MYLK4: variants seen among roughly 807,000 people sequenced by gnomAD.
MYLK4 encodes myosin light chain kinase family member 4.
In MYLK4, 46 loss-of-function variants were observed where a neutral mutation model predicts 48.1. That is an observed-to-expected ratio of 0.96 (90% CI 0.75 to 1.22). The LOEUF is 1.22. Ranked by LOEUF, MYLK4 falls within the 50% of genes most tolerant of loss-of-function variation. The pLI is 0.00. For synonymous variants in MYLK4, 170 were observed against 180.8 expected (o/e 0.94, Z 0.48); for missense variants, 451 against 486.1 (o/e 0.93, Z 0.68).
chr6:2,704,403 A>G (rs1353668287), intron 2 of MYLK4, among the ~76,000 whole-genome samples: 1 of 152,216 alleles, frequency 6.6e-6, no homozygotes, highest in African/African-American at 2.4e-5. Context: ...CTTTGTAGAA[A>G]TTCAAATGTT....
chr6:2,726,838 C>G (rs1253432405), intron 2 of MYLK4, among the ~76,000 whole-genome samples: 1 of 152,122 alleles, frequency 6.6e-6, no homozygotes, highest in Non-Finnish European at 1.5e-5. Context: ...GTCTTGAACT[C>G]CTGACCTCAG....
chr6:2,678,098 T>A (rs1761147226), intron 10 of MYLK4, 122 bp downstream of exon 10: 6 of 1,262,008 alleles, frequency 4.8e-6, no homozygotes, highest in Non-Finnish European at 5.6e-6. Flanking sequence ...CCTCATTCTA[T>A]CCATGACTTT....
At chr6:2,749,065 C>T (rs188324815) in intron 2 of MYLK4, 71 bp downstream of exon 2, 532 of 1,405,998 alleles carry the variant, frequency 3.8e-4, no homozygotes, top group Admixed American at 5.1e-4. Flanking sequence ...TACTCACAAG[C>T]GGCTCCATGA....
intron 2 of MYLK4, among the ~76,000 whole-genome samples, chr6:2,733,935 C>T (rs1043298222): frequency 2.0e-5 from 3 of 152,010 alleles, no homozygotes; most frequent in East Asian, 1.9e-4. Context: ...TTCTCATCCC[C>T]GATACATAAA....
chr6:2,725,429 T>G lies in MYLK4; in HGVS notation c.159+23707A>C, dbSNP rs555398754. 2.0e-5 allele frequency among the ~76,000 whole-genome samples: 3 copies of G among 149,846 alleles called. No homozygotes were observed. The East Asian group carries it at 6.0e-4, about 30-fold the overall frequency. On this transcript the variant is annotated intron_variant, in intron 2 of 12. Coordinates refer to ENST00000274643, the MANE Select transcript of MYLK4 (RefSeq NM_001012418.5). ...TGCAATGAGCTATGATTGCAATGAT[T>G]GCACTACTGCACTCCAGCCTGGGTG... is the stretch of plus-strand genomic sequence containing the variant.
the MYLK4 span, chr6:2,765,646 C>A: frequency 1.3e-6 from 2 of 1,543,776 alleles, no homozygotes; most frequent in Admixed American, 1.8e-5. Flanking sequence ...GGCCGGAAGA[C>A]GACCCCTTCC....
the MYLK4 span, among the ~76,000 whole-genome samples, chr6:2,764,388 C>A: frequency 1.3e-5 from 2 of 152,134 alleles, no homozygotes; most frequent in Non-Finnish European, 2.9e-5. Context: ...TGCACTCCAG[C>A]CTGGGCGACA....
Position 2,685,747 on chromosome 6 carries a change from T to C in MYLK4, c.342-171A>G, listed in dbSNP as rs1761515179. Among the ~76,000 whole-genome samples the C allele has an allele frequency of 6.6e-6, 1 of 152,030 alleles. No homozygotes were observed. The highest frequency in any genetic ancestry group is 2.1e-4 in the South Asian group (1 of 4,810). ...TGTCAACATGTGGTGTGTGGATCAC[T>C]TGCATCAGAATCACCTGGGAGCTGT... is the stretch of plus-strand genomic sequence containing the variant. On this transcript the variant is annotated intron_variant, in intron 4 of 12. Coordinates refer to ENST00000274643, the MANE Select transcript of MYLK4 (RefSeq NM_001012418.5). This position sits in a 1 kb window ranked among gnomAD's most constrained non-coding sequence, Gnocchi z 4.5.
intron 2 of MYLK4, among the ~76,000 whole-genome samples, chr6:2,735,873 T>A (rs1221233792): frequency 6.6e-6 from 1 of 152,194 alleles, no homozygotes; most frequent in Non-Finnish European, 1.5e-5. Context: ...TTGGATCATG[T>A]CTCTAACAGA....
At position 2,685,054 on chromosome 6, in the gene MYLK4, C is replaced by T. The variant is rs1582041003; in HGVS notation, c.545+242G>A. Among the ~76,000 whole-genome samples the T allele has an allele frequency of 6.6e-6, 1 of 152,166 alleles. No homozygotes were observed. Among genetic ancestry groups the T allele is most frequent in the Non-Finnish European group, 1.5e-5 (1 of 68,038 alleles). On this transcript the variant is annotated intron_variant, in intron 6 of 12. Transcript: ENST00000274643. This position sits in a 1 kb window ranked among gnomAD's most constrained non-coding sequence, Gnocchi z 4.5. ...TTTAAGCTTGATTTTTGACAAACAGCGTAGATACAAAGCTAGATCTACTTG... is the reference window on the plus strand; with the variant it reads ...TTTAAGCTTGATTTTTGACAAACAGTGTAGATACAAAGCTAGATCTACTTG...
rs776106866 is a variant in MYLK4, at chr6:2,692,776, G to T, written c.235+8C>A. The T allele has an allele frequency of 3.7e-6, 6 of 1,612,830 alleles. 1 individual carries two copies. Among genetic ancestry groups the T allele is most frequent in the South Asian group, 2.2e-5 (2 of 90,790 alleles). ...ATCCATAACTATCTACTTTTCTAAA[G>T]ATGTTACCTGCGAGGGCTGATGTCC... is the stretch of plus-strand genomic sequence containing the variant. On this transcript the variant is annotated splice_region_variant and intron_variant, in intron 3 of 12. Transcript: ENST00000274643.
intron 6 of MYLK4, among the ~76,000 whole-genome samples, chr6:2,683,801 T>C (rs1078702): frequency 0.65 from 98,611 of 151,774 alleles, 32,236 homozygotes; most frequent in Non-Finnish European, 0.68. Context: ...AGAAAGAGGA[T>C]CCTAAGAACT....
At position 2,679,372 on chromosome 6, in the gene MYLK4, T is replaced by A. The variant is rs1761209421; in HGVS notation, c.795A>T (p.Gly265=). 2 of 1,614,134 alleles carry A rather than the reference T, an allele frequency of 1.2e-6. No homozygotes were observed. Among genetic ancestry groups the A allele is most frequent in the Non-Finnish European group, 1.7e-6 (2 of 1,180,014 alleles). Residue 265 remains glycine, a synonymous_variant, in exon 9 of 13, where the codon GGA becomes GGT. Coordinates refer to ENST00000274643, the MANE Select transcript of MYLK4 (RefSeq NM_001012418.5). The part of the protein sequence containing the change: ...KPREKLKVNF[G]TPEFLAPEVV... ...CTTCAGGGGCGAGAAATTCTGGGGTTCCAAAGTTCACCTTCAGCTTCTCTC... is the reference window on the plus strand; with the variant it reads ...CTTCAGGGGCGAGAAATTCTGGGGTACCAAAGTTCACCTTCAGCTTCTCTC...
rs1228767320 is a variant in MYLK4, at chr6:2,671,318, C to T, written c.1150G>A (p.Asp384Asn). The T allele has an allele frequency of 3.7e-6, 6 of 1,614,082 alleles. No individual in the cohort carries two copies. Among genetic ancestry groups the T allele is most frequent in the Admixed American group, 1.7e-5 (1 of 60,016 alleles). ...KKKNRGSDAQ[D>N]FVTK ...CCTGTAGACTATTTGGTCACAAAGT[C>T]CTGGGCATCAGAGCCACGATTCTTC... is the stretch of plus-strand genomic sequence containing the variant. The change falls in exon 12 of 13, where the codon GAC becomes AAC. Residue 384 changes from aspartate to asparagine, a missense_variant. Transcript: ENST00000274643.
intron 6 of MYLK4, among the ~76,000 whole-genome samples, chr6:2,683,705 C>T (rs184794814): frequency 2.6e-5 from 4 of 152,306 alleles, no homozygotes; most frequent in Admixed American, 2.6e-4. Flanking sequence ...AGGTGGGAGC[C>T]ACCACACCGG....
At chr6:2,706,798 A>G (rs17278283) in intron 2 of MYLK4, among the ~76,000 whole-genome samples, 14,860 of 152,206 alleles carry the variant, frequency 0.098, 784 homozygotes, top group Non-Finnish European at 0.11. Context: ...GCTAAACTAC[A>G]CTCAGAGCAG....
intron 2 of MYLK4, among the ~76,000 whole-genome samples, chr6:2,732,235 T>G (rs1763502749): frequency 6.6e-6 from 1 of 152,194 alleles, no homozygotes; most frequent in Admixed American, 6.5e-5. Context: ...TTTTAGTGAG[T>G]GCTAACCTTG....
chr6:2,706,085 A>G (rs183144165), intron 2 of MYLK4, among the ~76,000 whole-genome samples: 18 of 152,350 alleles, frequency 1.2e-4, no homozygotes, highest in African/African-American at 4.3e-4. Context: ...ATCTTTTCCC[A>G]CACTTTCATC....
Position 2,682,512 on chromosome 6 carries a change from C to T in MYLK4, c.687+509G>A, listed in dbSNP as rs548649362. Among the ~76,000 whole-genome samples the T allele has an allele frequency of 5.9e-5, 9 of 152,282 alleles. No homozygotes were observed. In the South Asian group the frequency reaches 6.2e-4, roughly 11 times the overall value. On this transcript the variant is annotated intron_variant, in intron 7 of 12. Transcript: ENST00000274643. ...CCTTAGCACTTTGGCCCCATCCTTC[C>T]GACTGTCCTCTGCTGCATTCTCCAT...
Sources: allele counts gnomAD v4.1 joint callset (sites outside exome capture counted in the v4.1 genomes callset), GRCh38; gene constraint gnomAD v4.1.1; non-coding constraint Gnocchi (gnomAD v3.1); transcripts MANE v1.5; gene names NCBI Gene and HGNC (gene_info 2026-07-23, HGNC 2026-07-21).